Variants in MACROD2 observed in about 807,000 individuals in gnomAD.
MACROD2 encodes the protein mono-ADP ribosylhydrolase 2.
MACROD2 carries 36 observed loss-of-function variants against 70.4 expected under a neutral mutation model. That is an observed-to-expected ratio of 0.51 (90% CI 0.39 to 0.68). The LOEUF (loss-of-function observed/expected upper bound fraction) is 0.68, where lower values mean the gene tolerates loss of function less well. Ranked by LOEUF, MACROD2 falls within the 30% of genes least tolerant of loss-of-function variation. The pLI is 0.00. For missense variants in MACROD2, 496 were observed against 538.4 expected (o/e 0.92, Z 0.78); for synonymous variants, 172 against 178.8 (o/e 0.96, Z 0.30).
intron 3 of MACROD2, among the ~76,000 whole-genome samples, chr20:14,196,071 C>T (rs1175783793): frequency 6.6e-6 from 1 of 152,150 alleles, no homozygotes; most frequent in East Asian, 1.9e-4. Flanking sequence ...CGGATCCCCA[C>T]AGCCTGCCCG....
intron 6 of MACROD2, among the ~76,000 whole-genome samples, chr20:15,240,807 A>G (rs1406040981): frequency 1.3e-5 from 2 of 152,124 alleles, no homozygotes; most frequent in Admixed American, 1.3e-4. Flanking sequence ...ATAATAAGAG[A>G]CACCAGAGGC....
At chr20:15,507,861 T>C (rs973080423) in intron 8 of MACROD2, among the ~76,000 whole-genome samples, 2 of 152,222 alleles carry the variant, frequency 1.3e-5, no homozygotes, top group Non-Finnish European at 2.9e-5. Flanking sequence ...AGCCCTGTTG[T>C]GGTCAATAGG....
chr20:15,519,567 A>C (rs564176187), intron 8 of MACROD2, among the ~76,000 whole-genome samples: 1 of 152,384 alleles, frequency 6.6e-6, no homozygotes, highest in South Asian at 2.1e-4. Context: ...TAAGAATTAT[A>C]GTTTGCTAAG....
chr20:14,293,204 G>A (rs1601442963), intron 3 of MACROD2, among the ~76,000 whole-genome samples: 1 of 151,752 alleles, frequency 6.6e-6, no homozygotes, highest in Admixed American at 6.6e-5. Context: ...GATACCATAT[G>A]CTATTCTAGG....
At chr20:14,556,074 G>C (rs1340842142) in intron 4 of MACROD2, among the ~76,000 whole-genome samples, 1 of 152,106 alleles carries the variant, frequency 6.6e-6, no homozygotes, top group South Asian at 2.1e-4. Flanking sequence ...GCCTGCATAT[G>C]AACAACAAAA....
intron 5 of MACROD2, among the ~76,000 whole-genome samples, chr20:15,014,790 G>A (rs911043722): frequency 1.3e-5 from 2 of 151,968 alleles, no homozygotes; most frequent in African/African-American, 2.4e-5. Flanking sequence ...TATATAATCC[G>A]TAACAGATTT....
In MACROD2 at chr20:14,462,187, C is replaced by T. The variant is rs1419360153; in HGVS notation, c.272-31292C>T. On this transcript the variant is annotated intron_variant, in intron 3 of 17. Coordinates refer to ENST00000684519, the MANE Select transcript of MACROD2 (RefSeq NM_001351661.2). Reference sequence around the variant, plus strand: ...TGTTCCGATTTCTCCACATCCTCTCCAGCACCTGTTGTTTCTTGACTTTTT... The same window carrying T: ...TGTTCCGATTTCTCCACATCCTCTCTAGCACCTGTTGTTTCTTGACTTTTT... Among the ~76,000 whole-genome samples the T allele has an allele frequency of 2.0e-5, 3 of 152,216 alleles. No homozygotes were observed. In the East Asian group the frequency reaches 5.8e-4, roughly 29 times the overall value.
intron 5 of MACROD2, among the ~76,000 whole-genome samples, chr20:15,004,673 G>A (rs1268192219): frequency 1.3e-5 from 2 of 152,050 alleles, no homozygotes; most frequent in Admixed American, 6.5e-5. Flanking sequence ...ATGGAAAGAA[G>A]GCACTTAAGT....
intron 5 of MACROD2, among the ~76,000 whole-genome samples, chr20:14,700,527 G>T (rs965010496): frequency 1.1e-5 from 1 of 87,590 alleles, no homozygotes; most frequent in Admixed American, 1.1e-4. Context: ...ATGGTGGTGT[G>T]TGTGTGTGTG....
chr20:14,538,175 A>G (rs1393637452), intron 4 of MACROD2, among the ~76,000 whole-genome samples: 1 of 152,220 alleles, frequency 6.6e-6, no homozygotes, highest in Admixed American at 6.5e-5. Context: ...TACCTGTCCA[A>G]GGTCTCAACC....
In MACROD2 at chr20:15,186,821, GGATATCTTA is replaced by G. The variant is rs543921957; in HGVS notation, c.419-43116_419-43108del. On this transcript the variant is annotated intron_variant, in intron 5 of 17. Coordinates refer to ENST00000684519, the MANE Select transcript of MACROD2 (RefSeq NM_001351661.2). ...TATTTTTGTGTCACACTCCACTTGCGGATATCTTAGAAGTCTCATTTGTGTTCCTAACTG... is the reference window on the plus strand; with the variant it reads ...TATTTTTGTGTCACACTCCACTTGCGGAAGTCTCATTTGTGTTCCTAACTG... Among the ~76,000 whole-genome samples the G allele has an allele frequency of 5.3e-3, 810 of 152,188 alleles. 3 individuals carry two copies. Among genetic ancestry groups the G allele is most frequent in the Non-Finnish European group, 9.0e-3 (612 of 67,988 alleles).
chr20:15,173,134 TAATA>T (rs879885087), intron 5 of MACROD2, among the ~76,000 whole-genome samples: 171 of 152,232 alleles, frequency 1.1e-3, no homozygotes, highest in African/African-American at 3.8e-3. Context: ...AAATTTTAAA[TAATA>T]AATCTATGAA....
At chr20:15,903,340 G>A (rs1435761594) in intron 10 of MACROD2, among the ~76,000 whole-genome samples, 1 of 152,140 alleles carries the variant, frequency 6.6e-6, no homozygotes, top group Admixed American at 6.5e-5. Context: ...AACAACAGCG[G>A]AAACACAAAA....
At chr20:15,487,273 A>G (rs2047174587) in intron 7 of MACROD2, among the ~76,000 whole-genome samples, 1 of 152,204 alleles carries the variant, frequency 6.6e-6, no homozygotes, top group South Asian at 2.1e-4. Flanking sequence ...GATCTAAAAA[A>G]GGTGTCACAA....
At chr20:14,661,424 T>C (rs1376153245) in intron 4 of MACROD2, among the ~76,000 whole-genome samples, 2 of 152,214 alleles carry the variant, frequency 1.3e-5, no homozygotes, top group Non-Finnish European at 2.9e-5. Context: ...TTGAGTTGTT[T>C]AAGTTCCTTA....
intron 4 of MACROD2, among the ~76,000 whole-genome samples, chr20:14,611,359 G>A (rs1227785864): frequency 1.3e-5 from 2 of 151,616 alleles, no homozygotes; most frequent in African/African-American, 4.9e-5. Context: ...TCTTACACAA[G>A]CCTGGTGAAA....
At chr20:14,462,341 A>C (rs1280572394) in intron 3 of MACROD2, among the ~76,000 whole-genome samples, 3 of 152,022 alleles carry the variant, frequency 2.0e-5, no homozygotes, top group African/African-American at 7.3e-5. Flanking sequence ...TCTTTTGAGA[A>C]TTGTCTGTTC....
intron 4 of MACROD2, among the ~76,000 whole-genome samples, chr20:14,576,124 T>G (rs969042030): frequency 5.3e-5 from 8 of 152,142 alleles, no homozygotes; most frequent in African/African-American, 1.9e-4. Context: ...AGTTTCTTAT[T>G]TAAGATTCCC....
At chr20:15,437,385 AAC>A (rs1196155705) in intron 7 of MACROD2, among the ~76,000 whole-genome samples, 25 of 152,224 alleles carry the variant, frequency 1.6e-4, no homozygotes, top group African/African-American at 3.8e-4. Context: ...CTTACTCCTT[AAC>A]ACCTCTTCCC....
Sources: allele counts gnomAD v4.1 joint callset (sites outside exome capture counted in the v4.1 genomes callset), GRCh38; gene constraint gnomAD v4.1.1; transcripts MANE v1.5; gene names NCBI Gene and HGNC (gene_info 2026-07-23, HGNC 2026-07-21).